The following ZNF302 variants were observed in gnomAD, a reference collection of about 807,000 sequenced individuals.
ZNF302 encodes the protein zinc finger protein 327.
Under a neutral mutation model 10.8 loss-of-function variants are expected in ZNF302, and 12 were observed. The ratio of observed to expected loss-of-function variants is 1.11; its 90% confidence interval spans 0.71 to 1.79. The LOEUF (loss-of-function observed/expected upper bound fraction) is 1.79, where lower values mean the gene tolerates loss of function less well. ZNF302 is among the 40% of genes most tolerant of loss of function. The pLI, the probability that ZNF302 is intolerant of heterozygous loss-of-function variation, is 0.00. For synonymous variants in ZNF302, 178 were observed against 157.5 expected, an observed-to-expected ratio of 1.13 and a Z score of -0.98; for missense variants, 461 against 471.1, an observed-to-expected ratio of 0.98 and a Z score of 0.20.
intron 2 of ZNF302, chr19:34,679,815 T>C (rs1214322228): frequency 2.1e-5 from 15 of 700,330 alleles, no homozygotes; most frequent in Non-Finnish European, 3.6e-5. Context: ...TTCTTCTTTG[T>C]TGACTGTTAT....
intron 2 of ZNF302, chr19:34,681,600 G>A (rs2068350970): frequency 6.6e-6 from 1 of 152,228 alleles, no homozygotes. Flanking sequence ...TAAGGAGTGT[G>A]CAACTTCGAT....
At chr19:34,679,018 C>G (rs1262196896) in intron 2 of ZNF302, among the ~76,000 whole-genome samples, 1 of 152,150 alleles carries the variant, frequency 6.6e-6, no homozygotes, top group African/African-American at 2.4e-5. Flanking sequence ...CTACAGTTTT[C>G]TGCTAGAAGA....
chr19:34,683,908 T>G (rs1382703774), intron 4 of ZNF302: 5 of 1,143,304 alleles, frequency 4.4e-6, no homozygotes, highest in Non-Finnish European at 4.5e-6. Flanking sequence ...AGGCACAAAA[T>G]GATGATTTGT....
intron 2 of ZNF302, chr19:34,681,619 T>C (rs2068351693): frequency 6.6e-6 from 1 of 152,262 alleles, no homozygotes; most frequent in African/African-American, 2.4e-5. Flanking sequence ...ATCCCTTGCA[T>C]GTGCAGTTCA....
In ZNF302 at chr19:34,685,561, C is replaced by T. The variant is rs535129508; in HGVS notation, c.*324C>T. The T allele has an allele frequency of 1.3e-6, 2 of 1,516,556 alleles. No individual in the cohort carries two copies. The highest frequency in any genetic ancestry group is 4.5e-5 in the East Asian group (2 of 44,266). 93.9% of individuals were successfully genotyped at this position (1,516,556 alleles called of 1,614,324 possible). A position where few individuals can be genotyped will look rare whatever the true frequency, so the allele number is the denominator to read the frequency against. On this transcript the variant is annotated 3_prime_UTR_variant, in exon 5 of 5. Coordinates refer to ENST00000505242, the MANE Select transcript of ZNF302 (RefSeq NM_001289187.2). ...AAAGAGTACATAATGGAGAGAAACC[C>T]AATAGTGTGGTAAGTGTGGAAAAGC...
rs766135123 is a variant in ZNF302, at chr19:34,685,852, T to C, written c.*615T>C. 7 of 275,066 alleles carry C rather than the reference T, an allele frequency of 2.5e-5. No individual in the cohort carries two copies. The highest frequency in any genetic ancestry group is 4.3e-5 in the African/African-American group (2 of 46,254). 17.0% of individuals were successfully genotyped at this position (275,066 alleles called of 1,614,324 possible). A position where few individuals can be genotyped will look rare whatever the true frequency, so the allele number is the denominator to read the frequency against. ...GTATTAATCCCTTAATTGACCTAAG[T>C]ATACTCACACTAGGAAAAATCTGTG... On this transcript the variant is annotated 3_prime_UTR_variant, in exon 5 of 5. Transcript: ENST00000505242.
At chr19:34,678,710 C>G in intron 1 of ZNF302, 27 bp from the exon 2 acceptor site, 1 of 1,487,354 alleles carries the variant, frequency 6.7e-7, no homozygotes, top group Non-Finnish European at 9.3e-7. Flanking sequence ...TTCATGACTG[C>G]TTTTTCCTGC....
chr19:34,685,579 G>T lies in ZNF302; in HGVS notation c.*342G>T, dbSNP rs777126093. On this transcript the variant is annotated 3_prime_UTR_variant, in exon 5 of 5. Coordinates refer to ENST00000505242, the MANE Select transcript of ZNF302 (RefSeq NM_001289187.2). ...AGAAACCCAATAGTGTGGTAAGTGT[G>T]GAAAAGCCTTTAGATCATATGAATC... The T allele has an allele frequency of 1.0e-4, 149 of 1,445,710 alleles. No individual in the cohort carries two copies. Among genetic ancestry groups the T allele is most frequent in the Middle Eastern group, 1.8e-4 (1 of 5,420 alleles). The allele number at this position is 1,445,710 out of a possible 1,614,324, so 89.6% of individuals were successfully genotyped here. A position where few individuals can be genotyped will look rare whatever the true frequency, so the allele number is the denominator to read the frequency against.
At chr19:34,678,947 A>C in intron 2 of ZNF302, 134 bp downstream of exon 2, 2 of 1,050,162 alleles carry the variant, frequency 1.9e-6, no homozygotes, top group Non-Finnish European at 2.9e-6. Flanking sequence ...TCACTATAGG[A>C]AGAATGGAGC....
At position 34,685,449 on chromosome 19, in the gene ZNF302, A is replaced by G; in HGVS notation, c.*212A>G. ...AGCTGTAGTTCAAACCTTACTGTAC[A>G]TCAGAGAATTCATACTGGAGAAAAG... is the stretch of plus-strand genomic sequence containing the variant. On this transcript the variant is annotated 3_prime_UTR_variant, in exon 5 of 5. Coordinates refer to ENST00000505242, the MANE Select transcript of ZNF302 (RefSeq NM_001289187.2). The G allele has an allele frequency of 6.3e-7, 1 of 1,598,074 alleles. No homozygotes were observed. Among genetic ancestry groups the G allele is most frequent in the East Asian group, 2.2e-5 (1 of 44,776 alleles).
chr19:34,680,346 TC>T (rs2068276675), intron 2 of ZNF302, among the ~76,000 whole-genome samples: 1 of 152,216 alleles, frequency 6.6e-6, no homozygotes, highest in South Asian at 2.1e-4. Flanking sequence ...AAGAGAACTT[TC>T]TGCAGTGGTG....
In ZNF302 at chr19:34,684,427, A is replaced by G. The variant is rs201640122; in HGVS notation, c.390A>G (p.Ser130=). 2 of 1,613,082 alleles carry G rather than the reference A, an allele frequency of 1.2e-6. No individual in the cohort carries two copies. The highest frequency in any genetic ancestry group is 1.7e-6 in the Non-Finnish European group (2 of 1,179,370). The part of the protein sequence containing the change: ...ECDTFRSTFH[S]KSTLSEPQNN... ...ACACATTTAGAAGCACCTTTCATTC[A>G]AAGTCTACTCTTTCTGAACCACAAA... The change falls in exon 5 of 5, where the codon TCA becomes TCG. Residue 130 remains serine (S), a synonymous_variant. Coordinates refer to ENST00000505242, the MANE Select transcript of ZNF302 (RefSeq NM_001289187.2).
intron 2 of ZNF302, among the ~76,000 whole-genome samples, chr19:34,680,639 C>G (rs956863314): frequency 2.6e-5 from 4 of 152,192 alleles, no homozygotes; most frequent in Non-Finnish European, 5.9e-5. Context: ...GAGTGAACAT[C>G]TCAAGCTGCC....
intron 1 of ZNF302, among the ~76,000 whole-genome samples, 191 bp downstream of exon 1, chr19:34,678,294 G>A (rs565579326): frequency 2.0e-5 from 3 of 152,240 alleles, no homozygotes; most frequent in South Asian, 2.1e-4. Flanking sequence ...TTAGCTGGGC[G>A]TGGTGGCACG....
intron 4 of ZNF302, 130 bp downstream of exon 4, chr19:34,683,368 T>C: frequency 9.9e-7 from 1 of 1,005,440 alleles, no homozygotes; most frequent in Non-Finnish European, 1.5e-6. Context: ...AATTGAGGGA[T>C]ATTTAGCTTA....
chr19:34,679,337 C>A (rs1185701608), intron 2 of ZNF302, among the ~76,000 whole-genome samples: 3 of 152,166 alleles, frequency 2.0e-5, no homozygotes, highest in East Asian at 1.9e-4. Context: ...CTGCCCTTAA[C>A]CCTCATCAGT....
In ZNF302 at chr19:34,684,569, A is replaced by G. The variant is rs371720721; in HGVS notation, c.532A>G (p.Lys178Glu). 6.2e-6 allele frequency: 10 copies of G among 1,613,834 alleles called. No homozygotes were observed. The African/African-American group carries it at 1.2e-4, about 19-fold the overall frequency. Residue 178 changes from lysine (K) to glutamate (E), a missense_variant, in exon 5 of 5, where the codon AAA (lysine) becomes GAA (glutamate). Lys to Glu is a moderately conservative substitution (Grantham distance 56, BLOSUM62 1). Coordinates refer to ENST00000505242, the MANE Select transcript of ZNF302 (RefSeq NM_001289187.2). Reference sequence around the variant, plus strand: ...TGGAAAGAAACTTTTAAATTCTAATAAAAGTGGGGCAGCCTTCAACCAGAG... The same window carrying G: ...TGGAAAGAAACTTTTAAATTCTAATGAAAGTGGGGCAGCCTTCAACCAGAG... The part of the protein sequence containing the change: ...NGGKKLLNSN[K>E]SGAAFNQSKS...
At position 34,683,006 on chromosome 19, in the gene ZNF302, A is replaced by T. The variant is rs374711288; in HGVS notation, c.130+109A>T. On this transcript the variant is annotated intron_variant, in intron 3 of 4. Coordinates refer to ENST00000505242, the MANE Select transcript of ZNF302 (RefSeq NM_001289187.2). ...GCTGAATTTCTGTACCATGCTCCCGAGGAAATGTGCAGCTCTGTTGTGCCC... is the reference window on the plus strand; with the variant it reads ...GCTGAATTTCTGTACCATGCTCCCGTGGAAATGTGCAGCTCTGTTGTGCCC... 9.5e-6 allele frequency: 15 copies of T among 1,574,454 alleles called. No individual in the cohort carries two copies. In the African/African-American group the frequency reaches 1.9e-4, roughly 20 times the overall value.
intron 4 of ZNF302, 47 bp downstream of exon 4, chr19:34,683,285 G>T: frequency 6.2e-7 from 1 of 1,610,664 alleles, no homozygotes; most frequent in Non-Finnish European, 8.5e-7. Flanking sequence ...GGAAGATTTT[G>T]TTAAAGATGT....
Sources: gnomAD v4.1 joint callset for allele counts (sites outside exome capture counted in the v4.1 genomes callset) on GRCh38, gnomAD v4.1.1 for gene constraint, MANE v1.5 for transcripts, NCBI Gene and HGNC (gene_info 2026-07-23, HGNC 2026-07-21) for gene names.